The following GLP2R variants were observed in gnomAD, a reference collection of about 807,000 sequenced individuals.
GLP2R encodes glucagon-like peptide 2 receptor.
A neutral mutation model predicts 68.2 loss-of-function variants in GLP2R; 59 were observed. The observed-to-expected ratio is 0.87, with a 90% CI of 0.70 to 1.07. GLP2R has a LOEUF of 1.07. Ranked by LOEUF, GLP2R falls within the 50% of genes least tolerant of loss-of-function variation. GLP2R has a pLI of 0.00. For synonymous variants in GLP2R, 270 were observed against 265.4 expected (o/e 1.02, Z -0.17); for missense variants, 548 against 677.4 (o/e 0.81, Z 2.12).
chr17:9,826,247 A>C lies in GLP2R; in HGVS notation c.184A>C (p.Lys62Gln), dbSNP rs775024609. The C allele has an allele frequency of 1.3e-6, 2 of 1,589,178 alleles. No homozygotes were observed. The highest frequency in any genetic ancestry group is 1.4e-5 in the African/African-American group (1 of 73,344). The change falls in exon 1 of 13, where the codon AAG becomes CAG. Residue 62 changes from lysine to glutamine, a missense_variant. Physicochemically the swap from Lys to Gln is moderately conservative, Grantham distance 53 (BLOSUM62 1). Coordinates refer to ENST00000262441, the MANE Select transcript of GLP2R (RefSeq NM_004246.3). ...CACTCTGGTCCTGCTGGTTTCCATC[A>C]AGCAAGTAAGAGCAGTTCATTATTA... ...FLTLVLLVSIKQVTGSLLEET... is the reference protein window; with the variant it reads ...FLTLVLLVSIQQVTGSLLEET...
At chr17:9,860,610 A>T (rs1393795069) in intron 7 of GLP2R, among the ~76,000 whole-genome samples, 5 of 152,052 alleles carry the variant, frequency 3.3e-5, no homozygotes, top group Non-Finnish European at 5.9e-5. Flanking sequence ...TGAGGACCCC[A>T]CCCTCATGAT....
intron 1 of GLP2R, among the ~76,000 whole-genome samples, chr17:9,832,988 C>T (rs558741210): frequency 2.4e-4 from 36 of 152,130 alleles, no homozygotes; most frequent in Admixed American, 9.8e-4. Flanking sequence ...CCGGGCCAGG[C>T]GCGGTGGCTC....
intron 9 of GLP2R, among the ~76,000 whole-genome samples, chr17:9,869,882 G>A (rs1474205604): frequency 2.0e-5 from 3 of 152,182 alleles, no homozygotes; most frequent in African/African-American, 7.2e-5. Context: ...AGGGGAATAA[G>A]GGGGATTAGC....
At chr17:9,873,300 C>T (rs1230215443) in intron 10 of GLP2R, among the ~76,000 whole-genome samples, 1 of 152,176 alleles carries the variant, frequency 6.6e-6, no homozygotes, top group Non-Finnish European at 1.5e-5. Flanking sequence ...TTTGTGCCCC[C>T]AAAGCCTATC....
intron 11 of GLP2R, among the ~76,000 whole-genome samples, chr17:9,884,846 A>T (rs904226132): frequency 6.6e-6 from 1 of 152,156 alleles, no homozygotes. Flanking sequence ...TCCTGGCCGT[A>T]ATCTTCTTTA....
intron 4 of GLP2R, 66 bp from the exon 5 acceptor site, chr17:9,854,429 G>A: frequency 1.1e-6 from 1 of 940,610 alleles, no homozygotes; most frequent in Non-Finnish European, 1.8e-6. Context: ...CCCTGGGTGT[G>A]GAGCTGGGGG....
intron 12 of GLP2R, among the ~76,000 whole-genome samples, chr17:9,888,798 A>G (rs7213983): frequency 0.21 from 31,492 of 152,146 alleles, 4,267 homozygotes; most frequent in Non-Finnish European, 0.31. Context: ...ATATTATTGC[A>G]TAGCCCAACC....
chr17:9,891,218 GAATTC>G lies in GLP2R; in HGVS notation c.*1517_*1521del. ...CATGGGCATATTTAATCTGAGATTG[GAATTC>G]AATCATGCATCTTGTCTTTTACTGG... On this transcript the variant is annotated 3_prime_UTR_variant, in exon 13 of 13. Transcript: ENST00000262441. The G allele has an allele frequency of 6.6e-6, 1 of 152,292 alleles. No individual in the cohort carries two copies. The allele number at this position is 152,292 out of a possible 1,614,324, so 9.4% of individuals were successfully genotyped here.
chr17:9,850,509 C>T (rs903384083), intron 4 of GLP2R, among the ~76,000 whole-genome samples: 8 of 152,088 alleles, frequency 5.3e-5, no homozygotes, highest in African/African-American at 9.7e-5. Flanking sequence ...CACCTTCAAT[C>T]GATGACTGGC....
At chr17:9,854,729 C>T (rs555589835) in intron 5 of GLP2R, 128 bp downstream of exon 5, 246 of 690,370 alleles carry the variant, frequency 3.6e-4, no homozygotes, top group Middle Eastern at 7.7e-4. Flanking sequence ...AGTGTTCAAA[C>T]CAGGGATAGA....
At chr17:9,878,117 C>T (rs1285897756) in intron 10 of GLP2R, among the ~76,000 whole-genome samples, 1 of 152,160 alleles carries the variant, frequency 6.6e-6, no homozygotes, top group Non-Finnish European at 1.5e-5. Context: ...CAAATTCAGA[C>T]TCTTACAAGG....
At chr17:9,839,406 T>TCCTCCTTCTCCC (rs1567719632) in intron 3 of GLP2R, among the ~76,000 whole-genome samples, 1 of 151,984 alleles carries the variant, frequency 6.6e-6, no homozygotes, top group Non-Finnish European at 1.5e-5. Flanking sequence ...TTCCTTCTCC[T>TCCTCCTTCTCCC]CCTCCTCCTT....
At chr17:9,888,216 T>C (rs572993119) in intron 12 of GLP2R, among the ~76,000 whole-genome samples, 11 of 152,266 alleles carry the variant, frequency 7.2e-5, no homozygotes, top group Admixed American at 2.6e-4. Context: ...CTGCTGGAGA[T>C]GCAAGGAGTA....
intron 11 of GLP2R, among the ~76,000 whole-genome samples, chr17:9,886,222 A>C (rs2067243149): frequency 6.6e-6 from 1 of 152,164 alleles, no homozygotes; most frequent in African/African-American, 2.4e-5. Flanking sequence ...CTCTTCCAAG[A>C]GCCTACTGCT....
intron 7 of GLP2R, among the ~76,000 whole-genome samples, chr17:9,860,589 T>C (rs774649148): frequency 6.6e-6 from 1 of 152,130 alleles, no homozygotes; most frequent in Non-Finnish European, 1.5e-5. Context: ...AAAAGGGCAC[T>C]AATCCTGTCA....
At chr17:9,827,162 C>T (rs1376352121) in intron 1 of GLP2R, among the ~76,000 whole-genome samples, 1 of 150,550 alleles carries the variant, frequency 6.6e-6, no homozygotes, top group African/African-American at 2.5e-5. Flanking sequence ...AGCCACTGTA[C>T]CAGGCCTACA....
At chr17:9,826,390 C>T (rs896614185) in intron 1 of GLP2R, 138 bp downstream of exon 1, 7 of 613,470 alleles carry the variant, frequency 1.1e-5, no homozygotes, top group Non-Finnish European at 1.6e-5. Context: ...ATAATCCTAG[C>T]ATTCAAAGGT....
intron 6 of GLP2R, among the ~76,000 whole-genome samples, chr17:9,859,018 C>G (rs1474834021): frequency 6.6e-6 from 1 of 151,936 alleles, no homozygotes; most frequent in Non-Finnish European, 1.5e-5. Context: ...GCTTAATTTG[C>G]TATTCTTTTT....
intron 4 of GLP2R, among the ~76,000 whole-genome samples, chr17:9,850,895 G>C (rs564533633): frequency 7.0e-4 from 107 of 152,082 alleles, no homozygotes; most frequent in African/African-American, 2.5e-3. Flanking sequence ...GGTTTGCCAT[G>C]TTGGCCAGGT....
Sources: allele counts gnomAD v4.1 joint callset (sites outside exome capture counted in the v4.1 genomes callset), GRCh38; gene constraint gnomAD v4.1.1; transcripts MANE v1.5; gene names NCBI Gene and HGNC (gene_info 2026-07-23, HGNC 2026-07-21).